Variants in LMX1A observed in about 807,000 individuals in gnomAD.
The protein encoded by LMX1A is LIM homeobox transcription factor 1-alpha.
LMX1A carries 15 observed loss-of-function variants against 49.1 expected under a neutral mutation model. The ratio of observed to expected loss-of-function variants is 0.31; its 90% CI spans 0.20 to 0.47. The LOEUF (loss-of-function observed/expected upper bound fraction) is 0.47. LMX1A is among the 20% of genes least tolerant of loss of function. The pLI is 1.00. For missense variants in LMX1A, 372 were observed against 475.8 expected (o/e 0.78, Z 2.03); for synonymous variants, 167 against 185.7 (o/e 0.90, Z 0.82).
rs1431376544 is a variant in LMX1A, at chr1:165,208,104, T to C, written c.776A>G (p.Gln259Arg). 1 of 1,614,112 alleles carries C rather than the reference T, an allele frequency of 6.2e-7. No homozygotes were observed. The highest frequency in any genetic ancestry group is 1.7e-5 in the Admixed American group (1 of 60,022). The change falls in exon 7 of 9, where the codon CAG (glutamine) becomes CGG (arginine). Residue 259 changes from glutamine to arginine, a missense_variant. Transcript: ENST00000342310. The stretch of plus-strand genomic sequence containing the variant: ...GGTGTTCTGCTGATCTTGCTGCTGC[T>C]GCTGCTGTCGCCTGGCCAGCTTCTT... The part of the protein sequence containing the change: ...KMKKLARRQQ[Q>R]QQQDQQNTQR...
chr1:165,316,133 T>G (rs1857947), intron 3 of LMX1A, among the ~76,000 whole-genome samples: 136,948 of 152,228 alleles, frequency 0.9, 61,802 homozygotes, highest in East Asian at 0.96. Context: ...TTGACAGGAG[T>G]AAGGTTTTTC....
At chr1:165,230,926 A>C (rs1196870839) in intron 4 of LMX1A, among the ~76,000 whole-genome samples, 1 of 152,186 alleles carries the variant, frequency 6.6e-6, no homozygotes, top group Non-Finnish European at 1.5e-5. Flanking sequence ...ACTCTTGCCC[A>C]CTGCCCAGGG....
intron 4 of LMX1A, among the ~76,000 whole-genome samples, chr1:165,214,262 C>T (rs1469184138): frequency 1.3e-5 from 2 of 152,214 alleles, no homozygotes; most frequent in Non-Finnish European, 2.9e-5. Flanking sequence ...CTTTCACACT[C>T]TTTCTCTCCT....
chr1:165,297,776 T>C (rs891301428), intron 3 of LMX1A, among the ~76,000 whole-genome samples: 4 of 152,210 alleles, frequency 2.6e-5, no homozygotes, highest in African/African-American at 9.6e-5. Context: ...AGGCTCACTC[T>C]ACTGAGCCAC....
At chr1:165,228,350 G>A (rs948100696) in intron 4 of LMX1A, among the ~76,000 whole-genome samples, 22 of 152,160 alleles carry the variant, frequency 1.4e-4, no homozygotes, top group African/African-American at 5.3e-4. Context: ...CAGCTAGCAG[G>A]TAGTAGCAGC....
At chr1:165,235,884 C>T (rs189406553) in intron 4 of LMX1A, among the ~76,000 whole-genome samples, 2 of 152,286 alleles carry the variant, frequency 1.3e-5, no homozygotes, top group African/African-American at 2.4e-5. Flanking sequence ...TGCATTTTCT[C>T]ATAAAACTGC....
chr1:165,257,432 G>C (rs1653289915), intron 3 of LMX1A, among the ~76,000 whole-genome samples: 1 of 130,718 alleles, frequency 7.7e-6, no homozygotes, highest in African/African-American at 3.0e-5. Context: ...TAGGTGAAAG[G>C]CAGGAGTTAA....
At chr1:165,351,184 A>G (rs553995443) in intron 3 of LMX1A, among the ~76,000 whole-genome samples, 1 of 152,118 alleles carries the variant, frequency 6.6e-6, no homozygotes, top group Admixed American at 6.5e-5. Context: ...TTTTTAACAA[A>G]CAGAATAGAA....
intron 3 of LMX1A, among the ~76,000 whole-genome samples, chr1:165,321,524 C>T (rs150618410): frequency 4.7e-4 from 72 of 152,256 alleles, no homozygotes; most frequent in Admixed American, 1.5e-3. Flanking sequence ...CTAAAGATAA[C>T]GCCAGAATAA....
chr1:165,315,252 C>G (rs192380714), intron 3 of LMX1A, among the ~76,000 whole-genome samples: 6 of 152,324 alleles, frequency 3.9e-5, no homozygotes, highest in Non-Finnish European at 8.8e-5. Flanking sequence ...ATCTACAACT[C>G]CCCTCTGGCC....
chr1:165,230,658 G>A lies in LMX1A; in HGVS notation c.497-16845C>T, dbSNP rs535134395. 7.2e-5 allele frequency among the ~76,000 whole-genome samples: 11 copies of A among 152,330 alleles called. No individual in the cohort carries two copies. The South Asian group carries it at 1.2e-3, about 17-fold the overall frequency. On this transcript the variant is annotated intron_variant, in intron 4 of 8. Transcript: ENST00000342310. Reference sequence around the variant, plus strand: ...GCAACATGCTGGAAAACAGCACAGCGTCTGAGAATAAAGAAACTTGGAGAG... The same window carrying A: ...GCAACATGCTGGAAAACAGCACAGCATCTGAGAATAAAGAAACTTGGAGAG...
chr1:165,250,874 G>T (rs1216623926), intron 3 of LMX1A, among the ~76,000 whole-genome samples: 1 of 152,118 alleles, frequency 6.6e-6, no homozygotes, highest in African/African-American at 2.4e-5. Context: ...AGGCACAAAG[G>T]GGTGGGAGGA....
At chr1:165,330,361 C>A (rs1348667731) in intron 3 of LMX1A, among the ~76,000 whole-genome samples, 1 of 152,216 alleles carries the variant, frequency 6.6e-6, no homozygotes, top group Non-Finnish European at 1.5e-5. Flanking sequence ...GTAGTCCCAA[C>A]TATTTGGGAG....
At chr1:165,321,754 C>A (rs773666403) in intron 3 of LMX1A, among the ~76,000 whole-genome samples, 16 of 152,134 alleles carry the variant, frequency 1.1e-4, no homozygotes, top group Non-Finnish European at 2.1e-4. Context: ...AAAAATAAAT[C>A]ATTTGACTTT....
intron 3 of LMX1A, among the ~76,000 whole-genome samples, chr1:165,250,920 G>A (rs1192814717): frequency 6.6e-6 from 1 of 152,154 alleles, no homozygotes; most frequent in East Asian, 1.9e-4. Context: ...CCTGTGTGAA[G>A]GCCTGGAGCC....
intron 3 of LMX1A, among the ~76,000 whole-genome samples, chr1:165,340,062 T>C (rs906664707): frequency 2.0e-5 from 3 of 152,172 alleles, no homozygotes; most frequent in African/African-American, 7.2e-5. Context: ...ATAGCCTTTA[T>C]ATGGTATAAA....
chr1:165,224,727 T>C lies in LMX1A; in HGVS notation c.497-10914A>G, dbSNP rs941558115. On this transcript the variant is annotated intron_variant, in intron 4 of 8. Transcript: ENST00000342310. The stretch of plus-strand genomic sequence containing the variant: ...AGCCAAAGGTCACACTGGCAATGCG[T>C]TGCACAAACAAATGTGCTGTAGAGT... 3.3e-5 allele frequency among the ~76,000 whole-genome samples: 5 copies of C among 152,248 alleles called. No homozygotes were observed. In the East Asian group the frequency reaches 9.6e-4, roughly 29 times the overall value.
intron 3 of LMX1A, among the ~76,000 whole-genome samples, chr1:165,317,472 A>G (rs1481667427): frequency 6.6e-6 from 1 of 152,224 alleles, no homozygotes; most frequent in Admixed American, 6.5e-5. Context: ...CTACAGTATT[A>G]AAAAGTAGAG....
In LMX1A at chr1:165,316,015, C is replaced by T. The variant is rs185007661; in HGVS notation, c.263+37061G>A. ...ACTGGTCAAGTAAGGACCTACTGGA[C>T]GTCTCTTATAATAGAGTGCCAAAGT... On this transcript the variant is annotated intron_variant, in intron 3 of 8. Transcript: ENST00000342310. Among the ~76,000 whole-genome samples, 22 of 152,302 alleles carry T rather than the reference C, an allele frequency of 1.4e-4. No individual in the cohort carries two copies. In the East Asian group the frequency reaches 2.9e-3, roughly 20 times the overall value.
Sources: gnomAD v4.1 joint callset for allele counts (sites outside exome capture counted in the v4.1 genomes callset) on GRCh38, gnomAD v4.1.1 for gene constraint, MANE v1.5 for transcripts, NCBI Gene and HGNC (gene_info 2026-07-23, HGNC 2026-07-21) for gene names.